Variants in RCBTB1 observed in about 807,000 individuals in gnomAD.
RCBTB1 encodes RCC1 and BTB domain containing protein 1.
Under a neutral mutation model 62.4 loss-of-function variants are expected in RCBTB1, and 46 were observed. The ratio of observed to expected loss-of-function variants is 0.74; its 90% confidence interval spans 0.58 to 0.94. RCBTB1 has a LOEUF of 0.94. RCBTB1 is among the 40% of genes least tolerant of loss of function. The pLI is 0.00. For synonymous variants in RCBTB1, 222 were observed against 245.8 expected (o/e 0.90, Z 0.91); for missense variants, 565 against 654.9 (o/e 0.86, Z 1.50).
intron 8 of RCBTB1, 136 bp downstream of exon 8, chr13:49,551,190 G>A (rs1961307306): frequency 1.0e-6 from 1 of 971,126 alleles, no homozygotes; most frequent in African/African-American, 1.7e-5. Context: ...AGGGAGAAGG[G>A]AAGGTTATCT....
intron 11 of RCBTB1, 115 bp downstream of exon 11, chr13:49,541,561 T>A: frequency 1.0e-6 from 1 of 972,332 alleles, no homozygotes; most frequent in East Asian, 2.6e-5. Flanking sequence ...TCAAATCTTT[T>A]TTAAGCACCA....
At chr13:49,555,870 C>T (rs1230064774) in intron 5 of RCBTB1, among the ~76,000 whole-genome samples, 197 bp from the exon 6 acceptor site, 1 of 152,112 alleles carries the variant, frequency 6.6e-6, no homozygotes, top group East Asian at 1.9e-4. Flanking sequence ...TAGGTAGTAC[C>T]CACTTTATAC....
chr13:49,554,094 C>T (rs542870012), intron 6 of RCBTB1, among the ~76,000 whole-genome samples: 35 of 152,274 alleles, frequency 2.3e-4, no homozygotes, highest in South Asian at 1.0e-3. Context: ...CAGATAAACA[C>T]AGGATGCTAT....
At chr13:49,567,623 A>G (rs1963115493) in intron 2 of RCBTB1, among the ~76,000 whole-genome samples, 1 of 152,212 alleles carries the variant, frequency 6.6e-6, no homozygotes, top group South Asian at 2.1e-4. Context: ...CTCTAAAAAC[A>G]GCCAAAGCAG....
At chr13:49,566,515 A>T in intron 4 of RCBTB1, 103 bp downstream of exon 4, 3 of 1,133,590 alleles carry the variant, frequency 2.6e-6, no homozygotes, top group Non-Finnish European at 3.7e-6. Context: ...TAAGAAGCAA[A>T]CAATCCAAAA....
intron 5 of RCBTB1, among the ~76,000 whole-genome samples, chr13:49,558,986 T>C (rs751451489): frequency 1.3e-5 from 2 of 152,238 alleles, no homozygotes; most frequent in Non-Finnish European, 2.9e-5. Context: ...TTAGTTTGCA[T>C]TTATTTAAAT....
intron 2 of RCBTB1, among the ~76,000 whole-genome samples, chr13:49,570,109 A>T (rs905575881): frequency 6.6e-6 from 1 of 152,236 alleles, no homozygotes; most frequent in Non-Finnish European, 1.5e-5. Context: ...CAAAATGTTT[A>T]ATTTTACATG....
rs1277447910 is a variant in RCBTB1 at position 49,532,918 on chromosome 13, A to T, written c.*1204T>A. The T allele has an allele frequency of 6.6e-6, 1 of 152,186 alleles. No individual in the cohort carries two copies. The highest frequency in any genetic ancestry group is 1.5e-5 in the Non-Finnish European group (1 of 68,040). 9.4% of individuals were successfully genotyped at this position (152,186 alleles called of 1,614,324 possible). ...ACACACATGATGAAACTCACAGTTG[A>T]ACACTCTTACATCCCAAAGTCACCT... On this transcript the variant is annotated 3_prime_UTR_variant, in exon 13 of 13. Transcript: ENST00000378302.
intron 12 of RCBTB1, among the ~76,000 whole-genome samples, chr13:49,538,664 T>A (rs1037925873): frequency 2.6e-5 from 4 of 152,096 alleles, no homozygotes; most frequent in African/African-American, 9.6e-5. Context: ...TACAGTGAGC[T>A]GTGATCACAC....
intron 12 of RCBTB1, among the ~76,000 whole-genome samples, chr13:49,539,848 A>C (rs893973496): frequency 6.6e-6 from 1 of 152,210 alleles, no homozygotes; most frequent in African/African-American, 2.4e-5. Flanking sequence ...TCAAACAAAA[A>C]TAAGATACAT....
rs1484582054 is a variant in RCBTB1, at chr13:49,542,179, A to G, written c.1173-352T>C. Among the ~76,000 whole-genome samples, 29 of 149,746 alleles carry G rather than the reference A, an allele frequency of 1.9e-4. 1 individual carries two copies. The Admixed American group carries it at 2.0e-3, about 10-fold the overall frequency. ...TGGCGAGCCGAGATTGCGCTTCTGC[A>G]CTCTAGCCTGGCAACAAGAGCAAAA... On this transcript the variant is annotated intron_variant, in intron 10 of 12. Coordinates refer to ENST00000378302, the MANE Select transcript of RCBTB1 (RefSeq NM_018191.4).
intron 7 of RCBTB1, 29 bp downstream of exon 7, chr13:49,552,149 G>C: frequency 7.2e-7 from 1 of 1,384,824 alleles, no homozygotes; most frequent in Non-Finnish European, 1.0e-6. Flanking sequence ...TAGATGGGAA[G>C]CCACTAACTG....
chr13:49,580,956 C>T (rs1964060905), intron 1 of RCBTB1, among the ~76,000 whole-genome samples: 1 of 152,068 alleles, frequency 6.6e-6, no homozygotes, highest in Non-Finnish European at 1.5e-5. Context: ...GCTGTGGAGG[C>T]AACAGAATTG....
At chr13:49,541,934 G>T in intron 10 of RCBTB1, 107 bp from the exon 11 acceptor site, 1 of 1,286,370 alleles carries the variant, frequency 7.8e-7, no homozygotes, top group Non-Finnish European at 1.0e-6. Flanking sequence ...AGTATCCTTG[G>T]GCCGGGCGTG....
At chr13:49,559,582 G>A (rs988371795) in intron 5 of RCBTB1, among the ~76,000 whole-genome samples, 1 of 151,650 alleles carries the variant, frequency 6.6e-6, no homozygotes, top group Non-Finnish European at 1.5e-5. Context: ...CGTAAACCCG[G>A]GAGGCGGAGC....
At chr13:49,582,596 C>A (rs1964168408) in intron 1 of RCBTB1, among the ~76,000 whole-genome samples, 1 of 152,166 alleles carries the variant, frequency 6.6e-6, no homozygotes, top group South Asian at 2.1e-4. Flanking sequence ...GAATGAAAGC[C>A]AGTTTAAAGG....
chr13:49,565,296 C>T (rs1178222902), intron 4 of RCBTB1, among the ~76,000 whole-genome samples: 4 of 152,222 alleles, frequency 2.6e-5, no homozygotes, highest in Non-Finnish European at 5.9e-5. Flanking sequence ...AGATTGCAGA[C>T]GGAGTCTCGT....
chr13:49,571,117 C>T lies in RCBTB1; in HGVS notation c.-41-3797G>A, dbSNP rs577986509. On this transcript the variant is annotated intron_variant, in intron 2 of 12. Transcript: ENST00000378302. ...ATCCCAGCACTTTGAGAGGCCGAGG[C>T]GGGCGGACCACCTGAGGTGGGGAGT... Among the ~76,000 whole-genome samples, 5 of 152,266 alleles carry T rather than the reference C, an allele frequency of 3.3e-5. No individual in the cohort carries two copies. In the East Asian group the frequency reaches 5.8e-4, roughly 18 times the overall value.
At position 49,532,469 on chromosome 13, in the gene RCBTB1, C is replaced by T. The variant is rs1959632517; in HGVS notation, c.*1653G>A. On this transcript the variant is annotated 3_prime_UTR_variant, in exon 13 of 13. Transcript: ENST00000378302. ...TATAGAACAGTGATTGTTACAAACA[C>T]CACCCATCATAGCACAAATCAATGT... 6.6e-6 allele frequency: 1 copy of T among 152,566 alleles called. No homozygotes were observed. Among genetic ancestry groups the T allele is most frequent in the Non-Finnish European group, 1.5e-5 (1 of 68,030 alleles). 9.5% of individuals were successfully genotyped at this position (152,566 alleles called of 1,614,324 possible). A position where few individuals can be genotyped will look rare whatever the true frequency, so the allele number is the denominator to read the frequency against.
Sources: gnomAD v4.1 joint callset for allele counts (sites outside exome capture counted in the v4.1 genomes callset) on GRCh38, gnomAD v4.1.1 for gene constraint, MANE v1.5 for transcripts, NCBI Gene and HGNC (gene_info 2026-07-23, HGNC 2026-07-21) for gene names.